The following ATP8A1 variants were observed in gnomAD, a reference collection of about 807,000 sequenced individuals.
ATP8A1 encodes the protein ATPase phospholipid transporting 8A1, also known as phospholipid-transporting ATPase IA.
In ATP8A1, 90 loss-of-function variants were observed where a neutral mutation model predicts 177.7. The ratio of observed to expected loss-of-function variants is 0.51; its 90% CI spans 0.43 to 0.60. The LOEUF is 0.60. Ranked by LOEUF, ATP8A1 falls within the 20% of genes least tolerant of loss-of-function variation. The pLI, the probability that ATP8A1 is intolerant of heterozygous loss-of-function variation, is 0.00. For missense variants in ATP8A1, 1,072 were observed against 1,392.8 expected (o/e 0.77, Z 3.67); for synonymous variants, 493 against 485.9 (o/e 1.01, Z -0.19).
intron 33 of ATP8A1, among the ~76,000 whole-genome samples, chr4:42,429,637 C>T (rs1033405163): frequency 1.3e-5 from 2 of 152,112 alleles, no homozygotes; most frequent in African/African-American, 4.8e-5. Context: ...ACTGTGCATT[C>T]AATTTACTGG....
chr4:42,421,361 T>C (rs181178370), intron 35 of ATP8A1, among the ~76,000 whole-genome samples: 2 of 152,260 alleles, frequency 1.3e-5, no homozygotes, highest in Admixed American at 6.5e-5. Flanking sequence ...GGAGGCAGAA[T>C]TGTGAATGGT....
intron 20 of ATP8A1, among the ~76,000 whole-genome samples, chr4:42,541,187 A>G (rs1321764210): frequency 6.6e-6 from 1 of 152,170 alleles, no homozygotes; most frequent in African/African-American, 2.4e-5. Flanking sequence ...CTACAATAAA[A>G]TGAACAACCA....
At chr4:42,636,140 ACACACACACACACACACG>A (rs966479818) in intron 1 of ATP8A1, among the ~76,000 whole-genome samples, 17 of 38,200 alleles carry the variant, frequency 4.5e-4, no homozygotes, top group African/African-American at 9.0e-4. Context: ...ACACACACAC[ACACACACACACACACACG>A]CACACACACA....
At chr4:42,508,711 C>T (rs1164256353) in intron 22 of ATP8A1, among the ~76,000 whole-genome samples, 1 of 152,236 alleles carries the variant, frequency 6.6e-6, no homozygotes, top group African/African-American at 2.4e-5. Flanking sequence ...CCTGTTTCAA[C>T]CTCCAGCATG....
At chr4:42,655,524 A>G (rs1489969528) in intron 1 of ATP8A1, among the ~76,000 whole-genome samples, 3 of 152,206 alleles carry the variant, frequency 2.0e-5, no homozygotes, top group African/African-American at 7.2e-5. Flanking sequence ...AAAAAAAATG[A>G]ATTTTTACAG....
chr4:42,555,139 A>ATCTATCTTATCTATCTATCT (rs1553903246), intron 16 of ATP8A1, among the ~76,000 whole-genome samples: 3 of 59,528 alleles, frequency 5.0e-5, no homozygotes, highest in African/African-American at 7.0e-5. Context: ...CTATCTATCT[A>ATCTATCTTATCTATCTATCT]ATCTATCTAT....
chr4:42,409,733 G>A lies in ATP8A1; in HGVS notation c.*3183C>T, dbSNP rs1047451390. On this transcript the variant is annotated 3_prime_UTR_variant, in exon 37 of 37. Coordinates refer to ENST00000381668, the MANE Select transcript of ATP8A1 (RefSeq NM_006095.2). Reference sequence around the variant, plus strand: ...ACTTTCTGACTAGCATTCATTTCCCGAGAAAACATTTTAAATGACAAGTTG... The same window carrying A: ...ACTTTCTGACTAGCATTCATTTCCCAAGAAAACATTTTAAATGACAAGTTG... 1.3e-5 allele frequency: 2 copies of A among 151,996 alleles called. No individual in the cohort carries two copies. Among genetic ancestry groups the A allele is most frequent in the African/African-American group, 2.4e-5 (1 of 41,398 alleles). 9.4% of individuals were successfully genotyped at this position (151,996 alleles called of 1,614,324 possible). A position where few individuals can be genotyped will look rare whatever the true frequency, so the allele number is the denominator to read the frequency against.
chr4:42,583,534 G>T (rs903999827), intron 9 of ATP8A1, among the ~76,000 whole-genome samples: 1 of 152,132 alleles, frequency 6.6e-6, no homozygotes, highest in Non-Finnish European at 1.5e-5. Flanking sequence ...GGATTGACCG[G>T]AATTAGACAC....
intron 4 of ATP8A1, among the ~76,000 whole-genome samples, chr4:42,623,246 G>A (rs543886839): frequency 8.5e-4 from 130 of 152,272 alleles, no homozygotes; most frequent in Middle Eastern, 3.4e-3. Flanking sequence ...CACTGTTGGT[G>A]GGAGTGTAAA....
chr4:42,656,866 G>A lies in ATP8A1; in HGVS notation c.8C>T (p.Thr3Ile), dbSNP rs1741691256. The A allele has an allele frequency of 1.3e-6, 2 of 1,587,988 alleles. No homozygotes were observed. The highest frequency in any genetic ancestry group is 1.7e-6 in the Non-Finnish European group (2 of 1,167,520). The change falls in exon 1 of 37, where the codon ACC becomes ATC. Residue 3 changes from threonine to isoleucine, a missense_variant. Transcript: ENST00000381668. ...GATCTCCGACACGGTCCTCCGCATG[G>A]TGGGCATCGCGGCGGCGGCTGCAGG... is the stretch of plus-strand genomic sequence containing the variant. MP[T>I]MRRTVSEIRS... is the part of the protein sequence containing the mutation.
chr4:42,423,940 A>G (rs1714290218), intron 33 of ATP8A1, among the ~76,000 whole-genome samples: 1 of 152,210 alleles, frequency 6.6e-6, no homozygotes, highest in African/African-American at 2.4e-5. Context: ...AATAAATCAT[A>G]ATTAGAAACT....
Position 42,503,530 on chromosome 4 carries a change from G to C in ATP8A1, c.2087-16C>G. Reference sequence around the variant, plus strand: ...CAGGAGTGTCCTGTATCCAAACACAGAGTATATTAAAATTAATTTCTCCAG... The same window carrying C: ...CAGGAGTGTCCTGTATCCAAACACACAGTATATTAAAATTAATTTCTCCAG... On this transcript the variant is annotated splice_polypyrimidine_tract_variant and intron_variant, in intron 23 of 36. Transcript: ENST00000381668. 4.6e-6 allele frequency: 7 copies of C among 1,537,902 alleles called. No individual in the cohort carries two copies. Among genetic ancestry groups the C allele is most frequent in the Non-Finnish European group, 6.2e-6 (7 of 1,122,188 alleles).
intron 15 of ATP8A1, among the ~76,000 whole-genome samples, chr4:42,557,187 T>C (rs1730325426): frequency 6.6e-6 from 1 of 152,192 alleles, no homozygotes; most frequent in Non-Finnish European, 1.5e-5. Context: ...AATACATCTT[T>C]ATTAGCAGGT....
chr4:42,481,975 A>G (rs890585247), intron 25 of ATP8A1, among the ~76,000 whole-genome samples: 2 of 152,164 alleles, frequency 1.3e-5, no homozygotes, highest in Non-Finnish European at 2.9e-5. Context: ...AATACTCACA[A>G]TGTTAAAAAC....
chr4:42,435,439 AAAAAAAAAAAC>A (rs1715833906), intron 33 of ATP8A1, among the ~76,000 whole-genome samples: 1 of 103,662 alleles, frequency 9.6e-6, no homozygotes, highest in African/African-American at 4.2e-5. Context: ...AAAAAAAAAA[AAAAAAAAAAAC>A]AAAAAAAAAA....
intron 27 of ATP8A1, among the ~76,000 whole-genome samples, chr4:42,461,977 T>A (rs1719213571): frequency 6.6e-6 from 1 of 152,144 alleles, no homozygotes; most frequent in Non-Finnish European, 1.5e-5. Context: ...TCCCTAGAGA[T>A]CTGTGGAACT....
intron 27 of ATP8A1, among the ~76,000 whole-genome samples, chr4:42,462,585 T>A (rs532141709): frequency 6.6e-6 from 1 of 152,236 alleles, no homozygotes; most frequent in Non-Finnish European, 1.5e-5. Context: ...ATAAGTTTGC[T>A]GCAGGGGCAG....
At chr4:42,571,005 CTTT>C (rs1014573458) in intron 14 of ATP8A1, among the ~76,000 whole-genome samples, 18 of 152,186 alleles carry the variant, frequency 1.2e-4, no homozygotes, top group African/African-American at 4.1e-4. Flanking sequence ...ATCATGTGAA[CTTT>C]TGCCTTTTTT....
At chr4:42,470,869 T>C (rs1307875596) in intron 25 of ATP8A1, among the ~76,000 whole-genome samples, 2 of 152,188 alleles carry the variant, frequency 1.3e-5, no homozygotes, top group Non-Finnish European at 1.5e-5. Context: ...TGCTGTGCTT[T>C]TCTTTGCAAC....
Sources: allele counts gnomAD v4.1 joint callset (sites outside exome capture counted in the v4.1 genomes callset), GRCh38; gene constraint gnomAD v4.1.1; transcripts MANE v1.5; gene names NCBI Gene and HGNC (gene_info 2026-07-23, HGNC 2026-07-21).